ENTREP2: variants seen among roughly 807,000 people sequenced by gnomAD.
ENTREP2 encodes endosomal transmembrane epsin interactor 2.
chr15:29,389,621 C>A, the ENTREP2 span, among the ~76,000 whole-genome samples: 1 of 152,218 alleles, frequency 6.6e-6, no homozygotes, highest in East Asian at 1.9e-4. Context: ...TCGAGGGCCT[C>A]AGCTCACAGC....
At chr15:29,258,752 T>C in the ENTREP2 span, among the ~76,000 whole-genome samples, 1 of 152,192 alleles carries the variant, frequency 6.6e-6, no homozygotes, top group East Asian at 1.9e-4. Context: ...TCCCTCCTCC[T>C]AGCCCCTAGC....
At chr15:29,646,685 A>G in the ENTREP2 span, among the ~76,000 whole-genome samples, 1 of 152,200 alleles carries the variant, frequency 6.6e-6, no homozygotes, top group Non-Finnish European at 1.5e-5. Context: ...ACTTAATTAT[A>G]ACTGCAAAAT....
At chr15:29,324,214 A>G in the ENTREP2 span, among the ~76,000 whole-genome samples, 1 of 152,102 alleles carries the variant, frequency 6.6e-6, no homozygotes, top group South Asian at 2.1e-4. Context: ...TGACCTTCCC[A>G]TCTTAGCCTC....
the ENTREP2 span, among the ~76,000 whole-genome samples, chr15:29,651,821 C>G: frequency 6.6e-6 from 1 of 152,244 alleles, no homozygotes; most frequent in African/African-American, 2.4e-5. Flanking sequence ...CTGAGGGCAG[C>G]TTGGTGCTGG....
the ENTREP2 span, among the ~76,000 whole-genome samples, chr15:29,300,142 T>G: frequency 6.8e-6 from 1 of 147,258 alleles, no homozygotes; most frequent in African/African-American, 2.6e-5. Context: ...GGTGAGTAAA[T>G]GGATGGATAA....
At chr15:29,632,241 T>C in the ENTREP2 span, among the ~76,000 whole-genome samples, 1 of 152,194 alleles carries the variant, frequency 6.6e-6, no homozygotes, top group Non-Finnish European at 1.5e-5. Flanking sequence ...CTCTTTTTAC[T>C]TTTCCAAGGG....
chr15:29,575,817 C>T, the ENTREP2 span, among the ~76,000 whole-genome samples: 2 of 152,182 alleles, frequency 1.3e-5, no homozygotes, highest in African/African-American at 4.8e-5. Flanking sequence ...GGCTTGTACA[C>T]TGAAAACATT....
the ENTREP2 span, among the ~76,000 whole-genome samples, chr15:29,257,043 ATTATTTATTTATTTATTTAT>A: frequency 2.9e-4 from 41 of 141,248 alleles, no homozygotes; most frequent in African/African-American, 9.9e-4. Flanking sequence ...TTATTTTTTT[ATTATTTATTTATTTATTTAT>A]TTATTTATTT....
At chr15:29,318,343 C>T in the ENTREP2 span, among the ~76,000 whole-genome samples, 9 of 151,572 alleles carry the variant, frequency 5.9e-5, no homozygotes, top group Admixed American at 2.6e-4. Context: ...TTTTTTGAGA[C>T]GGAGTTTTGC....
the ENTREP2 span, among the ~76,000 whole-genome samples, chr15:29,571,090 T>C: frequency 6.7e-6 from 1 of 149,778 alleles, no homozygotes; most frequent in Non-Finnish European, 1.5e-5. Flanking sequence ...CCCGCCGCCG[T>C]GCGCTGGGCC....
chr15:29,311,199 T>A, the ENTREP2 span, among the ~76,000 whole-genome samples: 6,138 of 152,252 alleles, frequency 0.04, 403 homozygotes, highest in African/African-American at 0.14. Context: ...GACAATTTTT[T>A]AAAACATACA....
chr15:29,379,921 A>G, the ENTREP2 span, among the ~76,000 whole-genome samples: 1 of 151,904 alleles, frequency 6.6e-6, no homozygotes. Context: ...GTGTGGAGTG[A>G]GGAGGCAGCT....
chr15:29,347,526 G>C, the ENTREP2 span, among the ~76,000 whole-genome samples: 1 of 151,848 alleles, frequency 6.6e-6, no homozygotes, highest in South Asian at 2.1e-4. Flanking sequence ...TTCTACAGGA[G>C]ATCATTATTT....
chr15:29,562,843 T>C, the ENTREP2 span, among the ~76,000 whole-genome samples: 1 of 152,186 alleles, frequency 6.6e-6, no homozygotes, highest in Admixed American at 6.5e-5. Flanking sequence ...CAGACTGGAG[T>C]GCAGTGGTGC....
At chr15:29,457,321 G>C in the ENTREP2 span, among the ~76,000 whole-genome samples, 1 of 152,188 alleles carries the variant, frequency 6.6e-6, no homozygotes, top group Admixed American at 6.5e-5. Flanking sequence ...TTTTCAAATT[G>C]TACTGAATAA....
At chr15:29,487,218 T>G in the ENTREP2 span, among the ~76,000 whole-genome samples, 1 of 152,168 alleles carries the variant, frequency 6.6e-6, no homozygotes, top group South Asian at 2.1e-4. Flanking sequence ...AAAGCACCTA[T>G]GCATATGGGT....
the ENTREP2 span, among the ~76,000 whole-genome samples, chr15:29,523,508 T>G: frequency 1.3e-5 from 2 of 151,212 alleles, no homozygotes; most frequent in Admixed American, 1.3e-4. Flanking sequence ...GATGGCAATA[T>G]TCTCCAAAAT....
chr15:29,583,539 GC>G, the ENTREP2 span, among the ~76,000 whole-genome samples: 1 of 152,146 alleles, frequency 6.6e-6, no homozygotes, highest in Non-Finnish European at 1.5e-5. Context: ...TACATGCTGG[GC>G]TTAATACCTA....
chr15:29,190,138 C>T, the ENTREP2 span, among the ~76,000 whole-genome samples: 1 of 152,166 alleles, frequency 6.6e-6, no homozygotes, highest in Non-Finnish European at 1.5e-5. Flanking sequence ...AGCCACCTGC[C>T]CTCTCTCTGG....
Sources: allele counts gnomAD v4.1 joint callset (sites outside exome capture counted in the v4.1 genomes callset), GRCh38; gene constraint gnomAD v4.1.1; transcripts MANE v1.5; gene names NCBI Gene and HGNC (gene_info 2026-07-23, HGNC 2026-07-21).